SMYD3: variants seen among roughly 807,000 people sequenced by gnomAD.
SMYD3 encodes the protein SET and MYND domain containing 3.
Under a neutral mutation model 57.7 loss-of-function variants are expected in SMYD3, and 36 were observed. The ratio of observed to expected loss-of-function variants is 0.62; its 90% confidence interval spans 0.48 to 0.82. The LOEUF is 0.82. Ranked by LOEUF, SMYD3 falls within the 40% of genes least tolerant of loss-of-function variation. The pLI is 0.00. For synonymous variants in SMYD3, 211 were observed against 195.0 expected, an observed-to-expected ratio of 1.08 and a Z score of -0.68; for missense variants, 515 against 538.8, an observed-to-expected ratio of 0.96 and a Z score of 0.44.
chr1:245,899,177 C>T (rs1042520384), intron 8 of SMYD3, among the ~76,000 whole-genome samples: 1 of 152,042 alleles, frequency 6.6e-6, no homozygotes, highest in African/African-American at 2.4e-5. Context: ...AATCCAGGAA[C>T]TGAAAATTAA....
At chr1:246,222,121 T>C (rs2063264865) in intron 5 of SMYD3, among the ~76,000 whole-genome samples, 1 of 152,092 alleles carries the variant, frequency 6.6e-6, no homozygotes, top group African/African-American at 2.4e-5. Flanking sequence ...CAAACATAAC[T>C]ACAAGGAGTC....
At chr1:246,090,002 T>G (rs2060793949) in intron 5 of SMYD3, among the ~76,000 whole-genome samples, 1 of 152,054 alleles carries the variant, frequency 6.6e-6, no homozygotes, top group Admixed American at 6.5e-5. Context: ...ATCCAGTCAG[T>G]TTTTCTCTGT....
chr1:246,454,915 G>A (rs2067680362), intron 1 of SMYD3, among the ~76,000 whole-genome samples: 1 of 152,126 alleles, frequency 6.6e-6, no homozygotes, highest in Admixed American at 6.5e-5. Flanking sequence ...TTATAGTACT[G>A]TAATAAAAGC....
At chr1:245,786,359 A>T (rs764631628) in intron 10 of SMYD3, among the ~76,000 whole-genome samples, 11 of 152,148 alleles carry the variant, frequency 7.2e-5, no homozygotes, top group South Asian at 2.1e-4. Context: ...AGCCAAATTC[A>T]CATCCACTAC....
chr1:246,128,052 C>T (rs1039027588), intron 5 of SMYD3, among the ~76,000 whole-genome samples: 3 of 151,970 alleles, frequency 2.0e-5, no homozygotes, highest in Non-Finnish European at 4.4e-5. Flanking sequence ...TTACAAAATG[C>T]AGTAAGGGTA....
At chr1:246,446,213 C>T (rs576801040) in intron 1 of SMYD3, among the ~76,000 whole-genome samples, 12 of 152,198 alleles carry the variant, frequency 7.9e-5, no homozygotes, top group African/African-American at 2.7e-4. Flanking sequence ...AATCATGGCT[C>T]ATTTTACTAC....
chr1:245,927,882 G>T, intron 7 of SMYD3, 49 bp downstream of exon 7: 1 of 1,469,944 alleles, frequency 6.8e-7, no homozygotes, highest in Non-Finnish European at 9.4e-7. Context: ...GAGCTGAGAG[G>T]GTCTTTGATA....
chr1:245,834,690 T>A (rs986198496), intron 10 of SMYD3, among the ~76,000 whole-genome samples: 1 of 152,154 alleles, frequency 6.6e-6, no homozygotes, highest in African/African-American at 2.4e-5. Flanking sequence ...GTTCGGAGGA[T>A]CACGGCAACA....
intron 8 of SMYD3, among the ~76,000 whole-genome samples, chr1:245,879,876 T>A (rs115751787): frequency 0.019 from 2,850 of 152,120 alleles, 87 homozygotes; most frequent in African/African-American, 0.063. Flanking sequence ...TTATTAAGAA[T>A]TTTAAAACAT....
chr1:246,414,412 A>T (rs757094594), intron 1 of SMYD3, among the ~76,000 whole-genome samples: 1 of 152,218 alleles, frequency 6.6e-6, no homozygotes, highest in Admixed American at 6.5e-5. Context: ...AATCAGCCAC[A>T]TGGGACACAG....
intron 1 of SMYD3, among the ~76,000 whole-genome samples, chr1:246,467,044 C>T (rs1280601646): frequency 6.6e-6 from 1 of 151,834 alleles, no homozygotes; most frequent in Non-Finnish European, 1.5e-5. Context: ...GGGGCGTGTG[C>T]CTGTAATCGC....
At chr1:246,457,365 C>T (rs991166327) in intron 1 of SMYD3, among the ~76,000 whole-genome samples, 7 of 151,840 alleles carry the variant, frequency 4.6e-5, no homozygotes, top group Non-Finnish European at 8.8e-5. Context: ...AACCCCGTCT[C>T]TATTAAAAAT....
intron 11 of SMYD3, among the ~76,000 whole-genome samples, chr1:245,756,497 TTC>T (rs969929603): frequency 3.9e-5 from 6 of 152,234 alleles, no homozygotes; most frequent in African/African-American, 9.6e-5. Flanking sequence ...ATCATTTTCT[TTC>T]TGTTTAGAGA....
At chr1:246,323,076 G>A (rs946905771) in intron 5 of SMYD3, among the ~76,000 whole-genome samples, 12 of 152,078 alleles carry the variant, frequency 7.9e-5, no homozygotes, top group Admixed American at 3.9e-4. Flanking sequence ...CACCAGCCTC[G>A]CTTTTGAAAT....
chr1:246,003,016 C>G (rs1221515082), intron 5 of SMYD3, among the ~76,000 whole-genome samples: 1 of 152,200 alleles, frequency 6.6e-6, no homozygotes, highest in East Asian at 1.9e-4. Flanking sequence ...GCGTTCTACA[C>G]TCACCAAAGA....
At chr1:246,474,064 C>T (rs998431256) in intron 1 of SMYD3, among the ~76,000 whole-genome samples, 1 of 152,208 alleles carries the variant, frequency 6.6e-6, no homozygotes, top group Admixed American at 6.5e-5. Flanking sequence ...AATCCTATAA[C>T]ATGCTTACTA....
chr1:246,033,268 T>G (rs981966371), intron 5 of SMYD3, among the ~76,000 whole-genome samples: 7 of 152,008 alleles, frequency 4.6e-5, no homozygotes, highest in African/African-American at 9.7e-5. Flanking sequence ...TCTGGAGAGT[T>G]ATTATCCTAA....
intron 1 of SMYD3, among the ~76,000 whole-genome samples, chr1:246,432,408 A>G (rs1486711797): frequency 6.6e-6 from 1 of 152,236 alleles, no homozygotes; most frequent in Non-Finnish European, 1.5e-5. Flanking sequence ...AAGGAGGTGG[A>G]GAGGTGGTGT....
At chr1:245,882,918 T>A (rs574610837) in intron 8 of SMYD3, among the ~76,000 whole-genome samples, 1 of 152,342 alleles carries the variant, frequency 6.6e-6, no homozygotes, top group East Asian at 1.9e-4. Context: ...ATAAAGAGAC[T>A]TATATGGGCA....
Sources: gnomAD v4.1 joint callset for allele counts (sites outside exome capture counted in the v4.1 genomes callset) on GRCh38, gnomAD v4.1.1 for gene constraint, MANE v1.5 for transcripts, NCBI Gene and HGNC (gene_info 2026-07-23, HGNC 2026-07-21) for gene names.